PDZRN3: variants seen among roughly 807,000 people sequenced by gnomAD.
The protein encoded by PDZRN3 is E3 ubiquitin-protein ligase PDZRN3.
Under a neutral mutation model 85.7 loss-of-function variants are expected in PDZRN3, and 38 were observed. The observed-to-expected ratio is 0.44, with a 90% confidence interval of 0.34 to 0.58. PDZRN3 has a LOEUF of 0.58. Among genes scored for constraint, PDZRN3 ranks in the 20% least tolerant of loss-of-function variants. The pLI is 0.01. For missense variants in PDZRN3, 1,629 were observed against 1,506.4 expected, an observed-to-expected ratio of 1.08 and a Z score of -1.35; for synonymous variants, 759 against 638.0, an observed-to-expected ratio of 1.19 and a Z score of -2.86.
chr3:73,443,568 A>T (rs1353453974), intron 3 of PDZRN3, among the ~76,000 whole-genome samples: 1 of 144,976 alleles, frequency 6.9e-6, no homozygotes, highest in Non-Finnish European at 1.5e-5. Flanking sequence ...TCACTGCAGC[A>T]CTGAACTCTC....
At chr3:73,424,850 T>C (rs1057498218) in intron 3 of PDZRN3, among the ~76,000 whole-genome samples, 4 of 152,190 alleles carry the variant, frequency 2.6e-5, no homozygotes, top group Non-Finnish European at 5.9e-5. Flanking sequence ...ATATTCACTA[T>C]ATTGGAAAAC....
intron 3 of PDZRN3, among the ~76,000 whole-genome samples, chr3:73,587,506 A>G (rs140181668): frequency 6.6e-6 from 1 of 152,374 alleles, no homozygotes; most frequent in Non-Finnish European, 1.5e-5. Context: ...TAAAGATAGT[A>G]TAGTTTTTCA....
At chr3:73,465,173 C>T (rs1219475364) in intron 3 of PDZRN3, among the ~76,000 whole-genome samples, 6 of 152,178 alleles carry the variant, frequency 3.9e-5, no homozygotes, top group East Asian at 1.9e-4. Flanking sequence ...CAGGCAGAGT[C>T]GGTATAAAAT....
intron 3 of PDZRN3, among the ~76,000 whole-genome samples, chr3:73,476,270 G>T (rs913486055): frequency 2.0e-5 from 3 of 152,190 alleles, no homozygotes; most frequent in Non-Finnish European, 4.4e-5. Context: ...TACAATCATG[G>T]CAGAAGGTGA....
intron 3 of PDZRN3, among the ~76,000 whole-genome samples, chr3:73,524,030 C>T (rs1002033747): frequency 6.6e-6 from 1 of 152,124 alleles, no homozygotes; most frequent in African/African-American, 2.4e-5. Flanking sequence ...ATATTTCTTA[C>T]AAGTAGATAT....
rs1407613440 is a variant in PDZRN3, at chr3:73,573,482, A to C, written c.918+28872T>G. Among the ~76,000 whole-genome samples, 6 of 152,332 alleles carry C rather than the reference A, an allele frequency of 3.9e-5. No homozygotes were observed. The East Asian group carries it at 9.6e-4, about 24-fold the overall frequency. On this transcript the variant is annotated intron_variant, in intron 3 of 9. Transcript: ENST00000263666. ...GTCCCACCACCTGTTTTATTAAATAAAGTTTTATTGGAACAAAGCCATGCT... is the reference window on the plus strand; with the variant it reads ...GTCCCACCACCTGTTTTATTAAATACAGTTTTATTGGAACAAAGCCATGCT...
At chr3:73,502,768 A>T (rs1370750009) in intron 3 of PDZRN3, among the ~76,000 whole-genome samples, 1 of 152,198 alleles carries the variant, frequency 6.6e-6, no homozygotes, top group Non-Finnish European at 1.5e-5. Flanking sequence ...ATTTCTAAAG[A>T]TCAGCTGTGT....
At chr3:73,581,875 G>A (rs1702206768) in intron 3 of PDZRN3, among the ~76,000 whole-genome samples, 1 of 151,534 alleles carries the variant, frequency 6.6e-6, no homozygotes, top group African/African-American at 2.4e-5. Flanking sequence ...AGGGCAAGAA[G>A]ATAGCTTGAG....
intron 5 of PDZRN3, among the ~76,000 whole-genome samples, chr3:73,394,789 C>T (rs1433879441): frequency 1.3e-5 from 2 of 152,178 alleles, no homozygotes; most frequent in Non-Finnish European, 2.9e-5. Context: ...GGTTCAACAT[C>T]ACAGAGAAGA....
At chr3:73,434,043 T>G in intron 3 of PDZRN3, 1 of 784,422 alleles carries the variant, frequency 1.3e-6, no homozygotes, top group Non-Finnish European at 1.6e-6. Context: ...CTCATGCATA[T>G]TAATCAGCTC....
At chr3:73,598,884 T>G (rs1702470605) in intron 3 of PDZRN3, among the ~76,000 whole-genome samples, 1 of 152,204 alleles carries the variant, frequency 6.6e-6, no homozygotes, top group Non-Finnish European at 1.5e-5. Flanking sequence ...CTGATGTCCC[T>G]GTCACTCCCC....
chr3:73,389,779 G>A (rs2106688303), intron 7 of PDZRN3, 37 bp downstream of exon 7: 1 of 1,426,648 alleles, frequency 7.0e-7, no homozygotes, highest in Non-Finnish European at 9.9e-7. Context: ...TTTAGTGATA[G>A]GCCCATCATG....
At chr3:73,567,151 T>C (rs62247808) in intron 3 of PDZRN3, among the ~76,000 whole-genome samples, 5 of 152,176 alleles carry the variant, frequency 3.3e-5, no homozygotes, top group Non-Finnish European at 5.9e-5. Context: ...GGTTCAGCCA[T>C]ATGACACAAT....
At chr3:73,446,621 A>C (rs1253762552) in intron 3 of PDZRN3, among the ~76,000 whole-genome samples, 1 of 151,962 alleles carries the variant, frequency 6.6e-6, no homozygotes, top group Non-Finnish European at 1.5e-5. Flanking sequence ...TATCTGCCTG[A>C]CTCTCTGTAC....
At chr3:73,520,331 C>T (rs1041694001) in intron 3 of PDZRN3, among the ~76,000 whole-genome samples, 1 of 151,976 alleles carries the variant, frequency 6.6e-6, no homozygotes, top group African/African-American at 2.4e-5. Context: ...ATGGTGAGGC[C>T]TTGTCTCTAT....
chr3:73,389,619 C>T (rs1701477862), intron 7 of PDZRN3, among the ~76,000 whole-genome samples, 197 bp downstream of exon 7: 1 of 152,156 alleles, frequency 6.6e-6, no homozygotes, highest in African/African-American at 2.4e-5. Context: ...TCCCAGTCCT[C>T]ACCACTCCCT....
At chr3:73,590,095 C>T (rs1245710385) in intron 3 of PDZRN3, among the ~76,000 whole-genome samples, 2 of 151,708 alleles carry the variant, frequency 1.3e-5, no homozygotes, top group South Asian at 2.1e-4. Context: ...ATGGCGACAC[C>T]CCATCTCTAC....
chr3:73,590,050 C>T (rs1702333825), intron 3 of PDZRN3, among the ~76,000 whole-genome samples: 1 of 152,008 alleles, frequency 6.6e-6, no homozygotes, highest in African/African-American at 2.4e-5. Flanking sequence ...AGGTGGATCA[C>T]TTGAGGTCAA....
chr3:73,419,522 C>A (rs184989330), intron 3 of PDZRN3, among the ~76,000 whole-genome samples: 3 of 152,144 alleles, frequency 2.0e-5, no homozygotes, highest in Non-Finnish European at 4.4e-5. Context: ...ACCAGGAGAA[C>A]GCGGTGTTTT....
Sources: gnomAD v4.1 joint callset for allele counts (sites outside exome capture counted in the v4.1 genomes callset) on GRCh38, gnomAD v4.1.1 for gene constraint, MANE v1.5 for transcripts, NCBI Gene and HGNC (gene_info 2026-07-23, HGNC 2026-07-21) for gene names.